The following HSF2 variants were observed in gnomAD, a reference collection of about 807,000 sequenced individuals.
HSF2 encodes heat shock factor protein 2.
HSF2 carries 21 observed loss-of-function variants against 65.0 expected under a neutral mutation model. That is an observed-to-expected ratio of 0.32 (90% CI 0.23 to 0.47). The LOEUF is 0.47. Ranked by LOEUF, HSF2 falls within the 20% of genes least tolerant of loss-of-function variation. The pLI is 1.00. For missense variants in HSF2, 499 were observed against 628.1 expected (o/e 0.79, Z 2.20); for synonymous variants, 225 against 219.1 (o/e 1.03, Z -0.24).
At chr6:122,410,562 A>G (rs1773967062) in intron 1 of HSF2, among the ~76,000 whole-genome samples, 1 of 151,888 alleles carries the variant, frequency 6.6e-6, no homozygotes, top group Non-Finnish European at 1.5e-5. Flanking sequence ...ATTTCACAAT[A>G]ACTTCTAACT....
At chr6:122,413,755 CT>C in intron 4 of HSF2, 106 bp downstream of exon 4, 1 of 961,150 alleles carries the variant, frequency 1.0e-6, no homozygotes, top group Non-Finnish European at 1.6e-6. Context: ...ACTCAGATCA[CT>C]TTGTTGAAGC....
At chr6:122,416,161 A>T in intron 4 of HSF2, 60 bp from the exon 5 acceptor site, 1 of 993,602 alleles carries the variant, frequency 1.0e-6, no homozygotes, top group Non-Finnish European at 1.6e-6. Context: ...TAAAGATACT[A>T]TGGTCTGGTT....
chr6:122,428,003 A>T lies in HSF2; in HGVS notation c.1230+47A>T, dbSNP rs750383193. Reference sequence around the variant, plus strand: ...TCAGGACCCATAGCTATAAAAATCTACAAAAACGTCCTAATAAGTAGAGAG... The same window carrying T: ...TCAGGACCCATAGCTATAAAAATCTTCAAAAACGTCCTAATAAGTAGAGAG... On this transcript the variant is annotated intron_variant, in intron 11 of 12. Coordinates refer to ENST00000368455, the MANE Select transcript of HSF2 (RefSeq NM_004506.4). 3 of 1,292,790 alleles carry T rather than the reference A, an allele frequency of 2.3e-6. No homozygotes were observed. In the South Asian group the frequency reaches 3.9e-5, roughly 17 times the overall value. 80.1% of individuals were successfully genotyped at this position (1,292,790 alleles called of 1,614,324 possible). A position where few individuals can be genotyped will look rare whatever the true frequency, so the allele number is the denominator to read the frequency against.
intron 10 of HSF2, among the ~76,000 whole-genome samples, chr6:122,425,117 T>C (rs568312998): frequency 2.0e-5 from 3 of 152,168 alleles, no homozygotes; most frequent in Admixed American, 6.6e-5. Flanking sequence ...CCTTCAGTAG[T>C]TAGAGATCTG....
intron 11 of HSF2, among the ~76,000 whole-genome samples, chr6:122,430,126 C>A (rs949175575): frequency 3.3e-5 from 5 of 152,130 alleles, no homozygotes; most frequent in Admixed American, 3.3e-4. Context: ...AGCTGTGAAT[C>A]CGTCTGGTCC....
chr6:122,399,603 CG>C (rs543432584), upstream of HSF2: 565 of 644,644 alleles, frequency 8.8e-4, 8 homozygotes, highest in South Asian at 9.8e-3. Flanking sequence ...GCGCGCCTGG[CG>C]GGGTTGGGGG....
In HSF2 at chr6:122,424,315, G is replaced by A. The variant is rs567533971; in HGVS notation, c.1176+629G>A. 3.3e-5 allele frequency among the ~76,000 whole-genome samples: 5 copies of A among 151,790 alleles called. No individual in the cohort carries two copies. The East Asian group carries it at 9.7e-4, about 29-fold the overall frequency. ...CCCTTCTTTATCTAAAGCTTCCTAC[G>A]TGGTCTGGTCGCGCTTAGATGAATC... On this transcript the variant is annotated intron_variant, in intron 10 of 12. Transcript: ENST00000368455.
At chr6:122,409,981 G>A (rs1270913174) in intron 1 of HSF2, among the ~76,000 whole-genome samples, 4 of 151,818 alleles carry the variant, frequency 2.6e-5, no homozygotes, top group African/African-American at 7.3e-5. Context: ...AGATAGATTT[G>A]CTGGTTCATC....
At chr6:122,407,958 TGGCA>T (rs1773903710) in intron 1 of HSF2, among the ~76,000 whole-genome samples, 1 of 84,116 alleles carries the variant, frequency 1.2e-5, no homozygotes, top group South Asian at 7.3e-4. Flanking sequence ...GTCTTCCCAA[TGGCA>T]GAGAGAGAGA....
At chr6:122,412,220 T>C (rs1425185233) in intron 1 of HSF2, among the ~76,000 whole-genome samples, 153 bp from the exon 2 acceptor site, 5 of 152,058 alleles carry the variant, frequency 3.3e-5, no homozygotes, top group African/African-American at 1.2e-4. Context: ...TGCAATTTTG[T>C]TTCTTGTTCC....
chr6:122,432,336 G>A lies in HSF2; in HGVS notation c.*116G>A, dbSNP rs1466863452. The A allele has an allele frequency of 3.5e-6, 3 of 855,518 alleles. No individual in the cohort carries two copies. Among genetic ancestry groups the A allele is most frequent in the East Asian group, 2.6e-5 (1 of 38,230 alleles). 53.0% of individuals were successfully genotyped at this position (855,518 alleles called of 1,614,324 possible). A position where few individuals can be genotyped will look rare whatever the true frequency, so the allele number is the denominator to read the frequency against. The stretch of plus-strand genomic sequence containing the variant: ...GCTTTGTTTTGTTTAATCAGATACT[G>A]TGGAATAAAAGCACCTTTTGCTTTT... On this transcript the variant is annotated 3_prime_UTR_variant, in exon 13 of 13. Coordinates refer to ENST00000368455, the MANE Select transcript of HSF2 (RefSeq NM_004506.4).
chr6:122,406,518 C>A (rs553561899), intron 1 of HSF2, among the ~76,000 whole-genome samples: 1 of 152,150 alleles, frequency 6.6e-6, no homozygotes, highest in African/African-American at 2.4e-5. Flanking sequence ...TCACAGTTTT[C>A]CTGTATGGTA....
At chr6:122,407,571 G>A (rs1353779846) in intron 1 of HSF2, among the ~76,000 whole-genome samples, 3 of 136,910 alleles carry the variant, frequency 2.2e-5, no homozygotes, top group Admixed American at 7.8e-5. Context: ...TCTGTGAAAT[G>A]TTTGTTTTGC....
chr6:122,413,331 T>A (rs1774042666), intron 3 of HSF2, among the ~76,000 whole-genome samples, 194 bp from the exon 4 acceptor site: 1 of 151,576 alleles, frequency 6.6e-6, no homozygotes, highest in Non-Finnish European at 1.5e-5. Context: ...AAATTTTTTT[T>A]AAGTAGATTA....
At chr6:122,407,986 A>AGAGAGT (rs1554208044) in intron 1 of HSF2, among the ~76,000 whole-genome samples, 11 of 139,336 alleles carry the variant, frequency 7.9e-5, no homozygotes, top group East Asian at 6.4e-4. Context: ...AGAGAGAGAG[A>AGAGAGT]GTGTGTTCTG....
In HSF2 at chr6:122,432,497, A is replaced by G. The variant is rs1047285685; in HGVS notation, c.*277A>G. Reference sequence around the variant, plus strand: ...TTTCTCCAATTTTGGTAAATTGGATATCTTTTTTTTACAAATACGACCATT... The same window carrying G: ...TTTCTCCAATTTTGGTAAATTGGATGTCTTTTTTTTACAAATACGACCATT... On this transcript the variant is annotated 3_prime_UTR_variant, in exon 13 of 13. Transcript: ENST00000368455. 29 of 336,866 alleles carry G rather than the reference A, an allele frequency of 8.6e-5. No homozygotes were observed. Among genetic ancestry groups the G allele is most frequent in the Non-Finnish European group, 2.2e-5 (4 of 183,272 alleles). 20.9% of individuals were successfully genotyped at this position (336,866 alleles called of 1,614,324 possible). A position where few individuals can be genotyped will look rare whatever the true frequency, so the allele number is the denominator to read the frequency against.
At chr6:122,423,066 C>T (rs1215720332) in intron 9 of HSF2, 109 bp downstream of exon 9, 7 of 1,181,870 alleles carry the variant, frequency 5.9e-6, no homozygotes, top group East Asian at 2.4e-5. Flanking sequence ...CCCACATAGT[C>T]CACCTTTCTC....
intron 3 of HSF2, 84 bp downstream of exon 3, chr6:122,412,848 C>A: frequency 8.2e-7 from 1 of 1,224,632 alleles, no homozygotes; most frequent in Non-Finnish European, 1.2e-6. Flanking sequence ...GTTGAAAGTA[C>A]AGAAATGCAC....
In HSF2 at chr6:122,422,703, T is replaced by C. The variant is rs745500515; in HGVS notation, c.831-15T>C. ...TTGAAAATGTAATAGGTTCCTTCTT[T>C]TATTGCTGATTTAGCTGTAGCCAGT... On this transcript the variant is annotated splice_polypyrimidine_tract_variant and intron_variant, in intron 8 of 12. Coordinates refer to ENST00000368455, the MANE Select transcript of HSF2 (RefSeq NM_004506.4). 6.2e-6 allele frequency: 10 copies of C among 1,611,506 alleles called. No individual in the cohort carries two copies. The highest frequency in any genetic ancestry group is 6.8e-6 in the Non-Finnish European group (8 of 1,178,326).
Sources: gnomAD v4.1 joint callset for allele counts (sites outside exome capture counted in the v4.1 genomes callset) on GRCh38, gnomAD v4.1.1 for gene constraint, MANE v1.5 for transcripts, NCBI Gene and HGNC (gene_info 2026-07-23, HGNC 2026-07-21) for gene names.